CSMD1: variants seen among roughly 807,000 people sequenced by gnomAD.
CSMD1 encodes the protein CUB and sushi domain-containing protein 1.
A neutral mutation model predicts 417.5 loss-of-function variants in CSMD1; 213 were observed. The ratio of observed to expected loss-of-function variants is 0.51; its 90% CI spans 0.46 to 0.57. CSMD1 has a LOEUF of 0.57. Ranked by LOEUF, CSMD1 falls within the 20% of genes least tolerant of loss-of-function variation. CSMD1 has a pLI of 0.00. For missense variants in CSMD1, 6,923 were observed against 4,529.7 expected, an observed-to-expected ratio of 1.53 and a Z score of -15.17; for synonymous variants, 2,862 against 1,736.8, an observed-to-expected ratio of 1.65 and a Z score of -16.11.
intron 3 of CSMD1, among the ~76,000 whole-genome samples, chr8:4,087,499 A>T (rs897442583): frequency 1.3e-5 from 2 of 152,116 alleles, no homozygotes; most frequent in Non-Finnish European, 2.9e-5. Flanking sequence ...AATGAAACCT[A>T]TTATTTTTAT....
intron 8 of CSMD1, among the ~76,000 whole-genome samples, chr8:3,587,098 C>T (rs1212844562): frequency 6.6e-6 from 1 of 152,212 alleles, no homozygotes; most frequent in East Asian, 1.9e-4. Context: ...CTGCACCCAC[C>T]TGTGTTTTAG....
At chr8:3,079,602 G>A (rs1813936693) in intron 49 of CSMD1, among the ~76,000 whole-genome samples, 2 of 152,136 alleles carry the variant, frequency 1.3e-5, no homozygotes, top group African/African-American at 2.4e-5. Context: ...ATTCATTTAT[G>A]CCAGGTCTCC....
chr8:3,767,596 T>C (rs915013993), intron 5 of CSMD1, among the ~76,000 whole-genome samples: 1 of 152,072 alleles, frequency 6.6e-6, no homozygotes, highest in Admixed American at 6.6e-5. Flanking sequence ...TGTGGATCTA[T>C]CTCTCAACTA....
intron 3 of CSMD1, among the ~76,000 whole-genome samples, chr8:4,069,550 G>A (rs1014334242): frequency 3.3e-5 from 5 of 152,020 alleles, no homozygotes; most frequent in African/African-American, 4.8e-5. Context: ...CTCCCTCTCC[G>A]CCTCCCATTC....
At chr8:3,062,369 T>C (rs10092374) in intron 49 of CSMD1, among the ~76,000 whole-genome samples, 26,948 of 152,076 alleles carry the variant, frequency 0.18, 2,945 homozygotes, top group African/African-American at 0.3. Context: ...TGCTTTTCTT[T>C]ACTATGTGTA....
intron 1 of CSMD1, among the ~76,000 whole-genome samples, chr8:4,693,873 T>C (rs1428121889): frequency 6.6e-6 from 1 of 152,260 alleles, no homozygotes; most frequent in Non-Finnish European, 1.5e-5. Context: ...TTCTATTTTC[T>C]AGGTTTTCTT....
At chr8:3,800,352 C>G (rs749228505) in intron 5 of CSMD1, among the ~76,000 whole-genome samples, 3 of 151,830 alleles carry the variant, frequency 2.0e-5, no homozygotes, top group African/African-American at 7.3e-5. Flanking sequence ...ATTATTGTTC[C>G]GGAAGTGTTT....
intron 7 of CSMD1, among the ~76,000 whole-genome samples, chr8:3,683,914 T>C (rs562188650): frequency 1.8e-4 from 27 of 152,090 alleles, no homozygotes; most frequent in South Asian, 1.2e-3. Flanking sequence ...AAAAAATGAC[T>C]GTTAGACCAC....
intron 3 of CSMD1, among the ~76,000 whole-genome samples, chr8:4,044,098 T>C (rs1005929254): frequency 2.0e-5 from 3 of 152,158 alleles, no homozygotes; most frequent in African/African-American, 7.2e-5. Context: ...CTCTGTGATA[T>C]TATTTGATAT....
rs756702633 is a variant in CSMD1 at position 3,396,253 on chromosome 8, T to G, written c.2534A>C (p.Tyr845Ser). 8.3e-5 allele frequency: 132 copies of G among 1,581,112 alleles called. No individual in the cohort carries two copies. The highest frequency in any genetic ancestry group is 6.8e-4 in the Middle Eastern group (4 of 5,922). ...GCTGTTGTCAGTGGTGAACAGCAGG[T>G]ACATGAAGTTCCCGGTGCTGATGAG... ...QFLISTGNFM[Y>S]LLFTTDNSRS... Residue 845 changes from tyrosine (Y) to serine (S), a missense_variant, in exon 17 of 70, where the codon TAC (tyrosine) becomes TCC (serine). Transcript: ENST00000635120.
At chr8:3,805,320 A>G (rs1800671482) in intron 5 of CSMD1, among the ~76,000 whole-genome samples, 1 of 152,156 alleles carries the variant, frequency 6.6e-6, no homozygotes, top group Non-Finnish European at 1.5e-5. Context: ...CCAGCCTCAA[A>G]GGCAAGAAGC....
At chr8:4,141,875 A>G (rs569481481) in intron 3 of CSMD1, among the ~76,000 whole-genome samples, 4 of 151,166 alleles carry the variant, frequency 2.6e-5, no homozygotes, top group Admixed American at 2.0e-4. Context: ...GAGAGTACCA[A>G]TCCTACAAGG....
intron 3 of CSMD1, among the ~76,000 whole-genome samples, chr8:4,259,774 A>C (rs1391785543): frequency 6.6e-6 from 1 of 152,200 alleles, no homozygotes; most frequent in Non-Finnish European, 1.5e-5. Flanking sequence ...GAAGAGATTA[A>C]AAATTTAAAA....
At chr8:3,274,838 T>G (rs1642070890) in intron 26 of CSMD1, among the ~76,000 whole-genome samples, 2 of 152,170 alleles carry the variant, frequency 1.3e-5, no homozygotes, top group South Asian at 2.1e-4. Flanking sequence ...CCGTGAGATG[T>G]GTTTCCTGAA....
At chr8:4,284,949 G>T (rs1389195388) in intron 3 of CSMD1, among the ~76,000 whole-genome samples, 3 of 152,066 alleles carry the variant, frequency 2.0e-5, no homozygotes, top group Admixed American at 2.0e-4. Context: ...TAAGACCTTG[G>T]GCAAAGTAAC....
chr8:4,117,995 G>A (rs528689175), intron 3 of CSMD1, among the ~76,000 whole-genome samples: 58 of 149,284 alleles, frequency 3.9e-4, no homozygotes, highest in African/African-American at 1.2e-3. Flanking sequence ...GCAGGCACAT[G>A]AGAAATGACA....
chr8:4,821,998 C>G (rs569138255), intron 1 of CSMD1, among the ~76,000 whole-genome samples: 1 of 152,100 alleles, frequency 6.6e-6, no homozygotes, highest in South Asian at 2.1e-4. Flanking sequence ...CTCTGTAATG[C>G]AATGACTTCT....
chr8:4,446,624 G>T (rs1225216305), intron 2 of CSMD1, among the ~76,000 whole-genome samples: 2 of 152,114 alleles, frequency 1.3e-5, no homozygotes, highest in East Asian at 3.9e-4. Flanking sequence ...CGCGATCTCA[G>T]CTCACTGCAA....
intron 2 of CSMD1, among the ~76,000 whole-genome samples, chr8:4,456,579 T>A (rs1305591905): frequency 6.6e-6 from 1 of 152,140 alleles, no homozygotes; most frequent in Middle Eastern, 3.2e-3. Flanking sequence ...CCCTGTCTTC[T>A]CACAAACACG....
Sources: gnomAD v4.1 joint callset for allele counts (sites outside exome capture counted in the v4.1 genomes callset) on GRCh38, gnomAD v4.1.1 for gene constraint, MANE v1.5 for transcripts, NCBI Gene and HGNC (gene_info 2026-07-23, HGNC 2026-07-21) for gene names.